ZC3H8: variants seen among roughly 807,000 people sequenced by gnomAD.
ZC3H8 encodes zinc finger CCCH domain-containing protein 8.
ZC3H8 carries 27 observed loss-of-function variants against 42.5 expected under a neutral mutation model. That is an observed-to-expected ratio of 0.64 (90% CI 0.47 to 0.88). ZC3H8 has a LOEUF of 0.88. ZC3H8 is among the 40% of genes least tolerant of loss of function. ZC3H8 has a pLI of 0.00. For synonymous variants in ZC3H8, 101 were observed against 110.1 expected, an observed-to-expected ratio of 0.92 and a Z score of 0.52; for missense variants, 277 against 336.1, an observed-to-expected ratio of 0.82 and a Z score of 1.37.
intron 2 of ZC3H8, among the ~76,000 whole-genome samples, chr2:112,246,010 A>G (rs1307249074): frequency 1.3e-5 from 2 of 152,204 alleles, no homozygotes; most frequent in East Asian, 3.8e-4. Context: ...ACCAATGCTC[A>G]TTTACCAGTC....
chr2:112,233,666 G>C (rs1229374682), intron 5 of ZC3H8, among the ~76,000 whole-genome samples: 1 of 152,106 alleles, frequency 6.6e-6, no homozygotes, highest in African/African-American at 2.4e-5. Context: ...AGGAGATCGA[G>C]ACCATCCTGG....
chr2:112,251,873 G>C (rs1573930137), intron 1 of ZC3H8, among the ~76,000 whole-genome samples: 2 of 152,190 alleles, frequency 1.3e-5, no homozygotes, highest in African/African-American at 4.8e-5. Flanking sequence ...AGCAGGATAG[G>C]ACAGAGGTGA....
At chr2:112,230,858 A>C (rs1330534221) in intron 8 of ZC3H8, 45 bp downstream of exon 8, 1 of 1,229,670 alleles carries the variant, frequency 8.1e-7, no homozygotes, top group African/African-American at 1.6e-5. Flanking sequence ...ACTTCTGGAG[A>C]TGTTCAGACA....
intron 8 of ZC3H8, among the ~76,000 whole-genome samples, chr2:112,227,253 G>A (rs1030796029): frequency 7.2e-5 from 11 of 152,212 alleles, no homozygotes; most frequent in East Asian, 1.9e-4. Context: ...AGCTGGGCGC[G>A]GTGGCTCACG....
At chr2:112,233,819 AG>A (rs1189710703) in intron 5 of ZC3H8, among the ~76,000 whole-genome samples, 4 of 152,166 alleles carry the variant, frequency 2.6e-5, no homozygotes, top group African/African-American at 9.7e-5. Context: ...CAGTGAGCCG[AG>A]AATGCGCCAC....
intron 1 of ZC3H8, among the ~76,000 whole-genome samples, chr2:112,253,299 C>T (rs184994929): frequency 1.3e-5 from 2 of 152,116 alleles, no homozygotes; most frequent in Non-Finnish European, 2.9e-5. Context: ...TTCATTAGTA[C>T]AGAAATTTTC....
chr2:112,235,936 T>TA (rs11370016), intron 4 of ZC3H8, among the ~76,000 whole-genome samples: 116,117 of 122,634 alleles, frequency 0.95, 55,090 homozygotes, highest in East Asian at 0.99. Context: ...AGTATAACAC[T>TA]AAAAAAAAAA....
chr2:112,239,935 G>T (rs1039149581), intron 2 of ZC3H8, among the ~76,000 whole-genome samples: 1 of 152,082 alleles, frequency 6.6e-6, no homozygotes, highest in Non-Finnish European at 1.5e-5. Flanking sequence ...TTCCACCAGA[G>T]GATTGATTAT....
chr2:112,221,709 A>G (rs1684593934), intron 8 of ZC3H8, among the ~76,000 whole-genome samples: 1 of 152,032 alleles, frequency 6.6e-6, no homozygotes, highest in Admixed American at 6.5e-5. Context: ...CTTCAGCTTT[A>G]TCAGGTCAGT....
At chr2:112,233,825 C>T (rs1211095896) in intron 5 of ZC3H8, among the ~76,000 whole-genome samples, 4 of 151,974 alleles carry the variant, frequency 2.6e-5, no homozygotes, top group Admixed American at 6.6e-5. Context: ...GCCGAGAATG[C>T]GCCACTGCAC....
chr2:112,216,884 A>T (rs1164913318), intron 8 of ZC3H8, among the ~76,000 whole-genome samples: 2 of 151,666 alleles, frequency 1.3e-5, no homozygotes, highest in Non-Finnish European at 3.0e-5. Flanking sequence ...GAAAACAAAG[A>T]AAACACATTA....
intron 1 of ZC3H8, 55 bp from the exon 2 acceptor site, chr2:112,250,327 T>C (rs911841444): frequency 2.3e-6 from 3 of 1,284,966 alleles, no homozygotes; most frequent in East Asian, 2.7e-5. Flanking sequence ...GAAGTGTTCA[T>C]ACCACAGCGT....
chr2:112,217,327 C>T (rs371073163), intron 8 of ZC3H8, among the ~76,000 whole-genome samples: 3 of 151,980 alleles, frequency 2.0e-5, no homozygotes, highest in East Asian at 3.9e-4. Flanking sequence ...GAGCAAAGAT[C>T]GTGCCACTTC....
intron 8 of ZC3H8, among the ~76,000 whole-genome samples, chr2:112,225,316 C>T (rs959173147): frequency 2.6e-5 from 4 of 152,072 alleles, no homozygotes; most frequent in African/African-American, 9.7e-5. Context: ...TTTTGAAAGA[C>T]TATAGACAAC....
intron 6 of ZC3H8, 63 bp downstream of exon 6, chr2:112,233,197 T>C (rs1685166493): frequency 5.5e-6 from 6 of 1,090,046 alleles, no homozygotes; most frequent in East Asian, 5.8e-5. Context: ...ATTAAAAATT[T>C]TGCACATTTA....
At chr2:112,252,866 G>A (rs931813103) in intron 1 of ZC3H8, among the ~76,000 whole-genome samples, 1 of 152,120 alleles carries the variant, frequency 6.6e-6, no homozygotes, top group South Asian at 2.1e-4. Context: ...CCTCCCAGCC[G>A]GGCGCGGTGG....
In ZC3H8 at chr2:112,236,712, A is replaced by C. The variant is rs1465892032; in HGVS notation, c.371-17T>G. 6.3e-7 allele frequency: 1 copy of C among 1,580,642 alleles called. No individual in the cohort carries two copies. Among genetic ancestry groups the C allele is most frequent in the Admixed American group, 1.8e-5 (1 of 54,632 alleles). On this transcript the variant is annotated splice_polypyrimidine_tract_variant and intron_variant, in intron 3 of 8. Transcript: ENST00000409573. ...GTTTAGCAGCTAAAAACAAAAAATT[A>C]ATTTAAAAAATGACATAAAGTTACA...
At chr2:112,226,855 T>C (rs1479413819) in intron 8 of ZC3H8, among the ~76,000 whole-genome samples, 1 of 152,154 alleles carries the variant, frequency 6.6e-6, no homozygotes, top group Non-Finnish European at 1.5e-5. Flanking sequence ...TAATAAATTA[T>C]ATACAACATG....
Position 112,234,116 on chromosome 2 carries a change from A to C in ZC3H8, c.621+4T>G, listed in dbSNP as rs781214889. On this transcript the variant is annotated splice_donor_region_variant and intron_variant, in intron 5 of 8. Coordinates refer to ENST00000409573, the MANE Select transcript of ZC3H8 (RefSeq NM_032494.3). The stretch of plus-strand genomic sequence containing the variant: ...AGTAGATTTTTGCTTACACATTTTT[A>C]TACCTTAATACATTTCCTTTCAAGA... The C allele has an allele frequency of 1.7e-5, 26 of 1,505,918 alleles. No homozygotes were observed. The highest frequency in any genetic ancestry group is 2.3e-5 in the Non-Finnish European group (26 of 1,112,212). The allele number at this position is 1,505,918 out of a possible 1,614,324, so 93.3% of individuals were successfully genotyped here.
Sources: allele counts gnomAD v4.1 joint callset (sites outside exome capture counted in the v4.1 genomes callset), GRCh38; gene constraint gnomAD v4.1.1; transcripts MANE v1.5; gene names NCBI Gene and HGNC (gene_info 2026-07-23, HGNC 2026-07-21).